Variants in PLA2G4D observed in about 807,000 individuals in gnomAD.
The protein encoded by PLA2G4D is phospholipase A2 group IVD, also known as cytosolic phospholipase A2 delta.
PLA2G4D carries 80 observed loss-of-function variants against 94.4 expected under a neutral mutation model. That is an observed-to-expected ratio of 0.85 (90% CI 0.71 to 1.02). The LOEUF is 1.02. PLA2G4D is among the 50% of genes least tolerant of loss of function. The pLI, the probability that PLA2G4D is intolerant of heterozygous loss-of-function variation, is 0.00. For missense variants in PLA2G4D, 1,050 were observed against 1,034.7 expected (o/e 1.01, Z -0.20); for synonymous variants, 438 against 440.9 (o/e 0.99, Z 0.08).
intron 13 of PLA2G4D, among the ~76,000 whole-genome samples, chr15:42,074,872 G>GA (rs1406215372): frequency 1.3e-5 from 2 of 152,014 alleles, no homozygotes; most frequent in Non-Finnish European, 2.9e-5. Context: ...ATAATCAGAA[G>GA]AAAAAAATAA....
At position 42,070,361 on chromosome 15, in the gene PLA2G4D, G is replaced by A. The variant is rs1889780117; in HGVS notation, c.2044-266C>T. 5.7e-6 allele frequency: 3 copies of A among 527,578 alleles called. No individual in the cohort carries two copies. In the East Asian group the frequency reaches 9.8e-5, roughly 17 times the overall value. 32.7% of individuals were successfully genotyped at this position (527,578 alleles called of 1,614,324 possible). A position where few individuals can be genotyped will look rare whatever the true frequency, so the allele number is the denominator to read the frequency against. On this transcript the variant is annotated intron_variant, in intron 18 of 19. Coordinates refer to ENST00000290472, the MANE Select transcript of PLA2G4D (RefSeq NM_178034.4). ...AAAACCCCAATTCTGGATTGCTATT[G>A]CTGGACTGTTCAAATCCCAGAGCCG...
chr15:42,087,617 C>A lies in PLA2G4D; in HGVS notation c.118+11G>T, dbSNP rs775698902. On this transcript the variant is annotated intron_variant, in intron 2 of 19. Transcript: ENST00000290472. ...CCTGCTCCCGACAGAGCGCACAGGG[C>A]GGTTACTCACACAGGTCAGCCCAGC... The A allele has an allele frequency of 1.9e-6, 3 of 1,613,978 alleles. No homozygotes were observed. In the South Asian group the frequency reaches 3.3e-5, roughly 18 times the overall value.
intron 1 of PLA2G4D, 133 bp from the exon 2 acceptor site, chr15:42,087,833 G>A (rs1250274038): frequency 5.9e-5 from 51 of 871,290 alleles, no homozygotes; most frequent in East Asian, 4.0e-4. Flanking sequence ...CAGGCGTTCC[G>A]GGGACACCCT....
Position 42,087,631 on chromosome 15 carries a change from G to C in PLA2G4D, c.115C>G (p.Leu39Val). 2 of 1,614,138 alleles carry C rather than the reference G, an allele frequency of 1.2e-6. No individual in the cohort carries two copies. Among genetic ancestry groups the C allele is most frequent in the Non-Finnish European group, 1.7e-6 (2 of 1,180,024 alleles). Residue 39 changes from leucine (L) to valine (V), a missense_variant, in exon 2 of 20, where the codon CTG (leucine) becomes GTG (valine). Coordinates refer to ENST00000290472, the MANE Select transcript of PLA2G4D (RefSeq NM_178034.4). ...AGCGCACAGGGCGGTTACTCACACA[G>C]GTCAGCCCAGCGCAGGTTCCGCGCC... Reference protein sequence around the residue: ...LEARNLRWADLLSEADPYVIL... With the variant: ...LEARNLRWADVLSEADPYVIL...
In PLA2G4D at chr15:42,084,872, C is replaced by T. The variant is rs1445605337; in HGVS notation, c.471+224G>A. Among the ~76,000 whole-genome samples the T allele has an allele frequency of 6.6e-6, 1 of 152,206 alleles. No homozygotes were observed. The highest frequency in any genetic ancestry group is 1.5e-5 in the Non-Finnish European group (1 of 68,032). ...CCCGAACAGCCGTGGGCCAGAACCT[C>T]CTCTCAGCAGAGCCCTGCCTCCCCT... On this transcript the variant is annotated intron_variant, in intron 6 of 19. Coordinates refer to ENST00000290472, the MANE Select transcript of PLA2G4D (RefSeq NM_178034.4). The surrounding 1 kb of genome is among the most constrained non-coding windows in gnomAD (Gnocchi z 4.8).
At chr15:42,081,174 G>A (rs1890029317) in intron 11 of PLA2G4D, 41 bp from the exon 12 acceptor site, 1 of 1,599,114 alleles carries the variant, frequency 6.3e-7, no homozygotes, top group Non-Finnish European at 8.5e-7. Flanking sequence ...AAGGAAAGGG[G>A]CCAGCTGCCT....
intron 9 of PLA2G4D, 93 bp from the exon 10 acceptor site, chr15:42,081,927 CTTTTTTTTTTTT>C (rs398027016): frequency 3.3e-6 from 2 of 605,070 alleles, no homozygotes; most frequent in African/African-American, 4.7e-5. Context: ...CATCTTCATT[CTTTTTTTTTTTT>C]TTTTTTTTTG....
intron 13 of PLA2G4D, among the ~76,000 whole-genome samples, chr15:42,076,743 A>G (rs527625325): frequency 6.6e-6 from 1 of 152,336 alleles, no homozygotes. Flanking sequence ...ACTATTATAC[A>G]CTGGTAGTGG....
chr15:42,071,474 G>A lies in PLA2G4D; in HGVS notation c.1651C>T (p.Gln551Ter). 1 of 1,613,706 alleles carries A rather than the reference G, an allele frequency of 6.2e-7. No individual in the cohort carries two copies. The highest frequency in any genetic ancestry group is 8.5e-7 in the Non-Finnish European group (1 of 1,179,778). The change falls in exon 16 of 20, where the codon CAG (glutamine) becomes TAG (stop). Residue 551 changes from glutamine to a stop codon, truncating the protein, a stop_gained. Transcript: ENST00000290472. LOFTEE classifies it high-confidence loss of function. The part of the protein sequence containing the change: ...DLTSSGESWK[Q>*]HIKDKTRSLE... The stretch of plus-strand genomic sequence containing the variant: ...CTCCTGGTCTTGTCCTTGATGTGCT[G>A]TTTCCAGGACTCCCCAGAACTGGTG...
chr15:42,078,681 T>G (rs1299658314), intron 13 of PLA2G4D, among the ~76,000 whole-genome samples: 1 of 152,166 alleles, frequency 6.6e-6, no homozygotes, highest in Non-Finnish European at 1.5e-5. Flanking sequence ...CATTAACGAA[T>G]TTTTCTTCCT....
intron 2 of PLA2G4D, 93 bp from the exon 3 acceptor site, chr15:42,087,529 C>T (rs530216700): frequency 5.6e-6 from 9 of 1,604,476 alleles, no homozygotes; most frequent in Middle Eastern, 1.7e-4. Context: ...TGGCGGTCAC[C>T]GCAGGTGACC....
intron 15 of PLA2G4D, 98 bp downstream of exon 15, chr15:42,071,676 C>CCG: frequency 1.4e-6 from 2 of 1,421,758 alleles, no homozygotes; most frequent in Non-Finnish European, 2.0e-6. Flanking sequence ...ACCCCTCCCC[C>CCG]TTGTCCTGAG....
chr15:42,073,926 C>T (rs1889873714), intron 13 of PLA2G4D, among the ~76,000 whole-genome samples: 1 of 152,174 alleles, frequency 6.6e-6, no homozygotes, highest in Non-Finnish European at 1.5e-5. Context: ...CATCCTTCCA[C>T]CCCATTTTCC....
rs144279282 is a variant in PLA2G4D at position 42,083,730 on chromosome 15, G to T, written c.521C>A (p.Thr174Asn). ...GCTGGTCTCACCTGCAACCACAGCG[G>T]TGCTCCCTGTGCTGTCCAGATGCAC... is the stretch of plus-strand genomic sequence containing the variant. ...LDVHLDSTGSTAVVADQDKLE... is the reference protein window; with the variant it reads ...LDVHLDSTGSNAVVADQDKLE... The change falls in exon 7 of 20, where the codon ACC becomes AAC. Residue 174 changes from threonine (T) to asparagine (N), a missense_variant. Coordinates refer to ENST00000290472, the MANE Select transcript of PLA2G4D (RefSeq NM_178034.4). 1.2e-6 allele frequency: 2 copies of T among 1,614,022 alleles called. No homozygotes were observed. Among genetic ancestry groups the T allele is most frequent in the South Asian group, 2.2e-5 (2 of 91,090 alleles).
Position 42,071,336 on chromosome 15 carries a change from A to G in PLA2G4D, c.1682-19T>C, listed in dbSNP as rs752672062. On this transcript the variant is annotated intron_variant, in intron 16 of 19. Transcript: ENST00000290472. The stretch of plus-strand genomic sequence containing the variant: ...TCCTTCTCTGAAGCCAGAGAAACAG[A>G]AATTGGTCCCTTCTTCCCCTTACTT... 6.4e-7 allele frequency: 1 copy of G among 1,572,198 alleles called. No homozygotes were observed. The highest frequency in any genetic ancestry group is 8.6e-7 in the Non-Finnish European group (1 of 1,162,700).
chr15:42,078,410 G>A (rs1889969254), intron 13 of PLA2G4D, among the ~76,000 whole-genome samples: 1 of 152,208 alleles, frequency 6.6e-6, no homozygotes, highest in African/African-American at 2.4e-5. Flanking sequence ...TGGTTGGTAA[G>A]TTCATGCATA....
rs146924938 is a variant in PLA2G4D, at chr15:42,070,736, G to T, written c.2024C>A (p.Ser675Tyr). The change falls in exon 18 of 20, where the codon TCC (serine) becomes TAC (tyrosine). Residue 675 changes from serine (S) to tyrosine (Y), a missense_variant. Coordinates refer to ENST00000290472, the MANE Select transcript of PLA2G4D (RefSeq NM_178034.4). ...RLDLILSFDY[S>Y]LSAPFEALQQ... ...GGGTACCTCGAAGGGCGCAGATAGG[G>T]AGTAGTCGAAGGAGAGGATGAGGTC... is the stretch of plus-strand genomic sequence containing the variant. The T allele has an allele frequency of 1.3e-6, 2 of 1,563,576 alleles. No individual in the cohort carries two copies. Among genetic ancestry groups the T allele is most frequent in the East Asian group, 2.4e-5 (1 of 42,108 alleles).
chr15:42,087,510 C>A (rs1595598708), intron 2 of PLA2G4D, 74 bp from the exon 3 acceptor site: 4 of 1,608,014 alleles, frequency 2.5e-6, no homozygotes, highest in Non-Finnish European at 3.4e-6. Flanking sequence ...CAGTTTCCTA[C>A]CAAGACCCTG....
At position 42,094,454 on chromosome 15, in the gene PLA2G4D, C is replaced by T. The variant is rs148416017; in HGVS notation, c.6G>A (p.Glu2=). 13 of 1,614,152 alleles carry T rather than the reference C, an allele frequency of 8.1e-6. No homozygotes were observed. Among genetic ancestry groups the T allele is most frequent in the African/African-American group, 1.3e-5 (1 of 75,052 alleles). The change falls in exon 1 of 20, where the codon GAG becomes GAA. Residue 2 remains glutamate (E), a synonymous_variant. Coordinates refer to ENST00000290472, the MANE Select transcript of PLA2G4D (RefSeq NM_178034.4). ...CAGGTGGTCCCCCAGGTGACAGGCT[C>T]TCCATGCTAGCCCTTCCAGCTTCAC... M[E]SLSPGGPPGH...
Sources: gnomAD v4.1 joint callset for allele counts (sites outside exome capture counted in the v4.1 genomes callset) on GRCh38, gnomAD v4.1.1 for gene constraint, Gnocchi (gnomAD v3.1) non-coding constraint, MANE v1.5 for transcripts, NCBI Gene and HGNC (gene_info 2026-07-23, HGNC 2026-07-21) for gene names.